EPHA6: variants seen among roughly 807,000 people sequenced by gnomAD.
EPHA6 encodes the protein EPH receptor A6, also known as ephrin type-A receptor 6.
Under a neutral mutation model 112.0 loss-of-function variants are expected in EPHA6, and 50 were observed. The ratio of observed to expected loss-of-function variants is 0.45; its 90% confidence interval spans 0.36 to 0.56. The LOEUF is 0.56. EPHA6 is among the 20% of genes least tolerant of loss of function. The probability of loss-of-function intolerance (pLI) is 0.00; values close to 1 mark genes in which losing one functional copy is unlikely to be tolerated. For missense variants in EPHA6, 1,280 were observed against 1,417.4 expected (o/e 0.90, Z 1.56); for synonymous variants, 529 against 490.7 (o/e 1.08, Z -1.03).
At chr3:97,423,400 C>T (rs1040691869) in intron 6 of EPHA6, among the ~76,000 whole-genome samples, 4 of 152,128 alleles carry the variant, frequency 2.6e-5, no homozygotes, top group Non-Finnish European at 4.4e-5. Flanking sequence ...ATTCCATTTA[C>T]AAATGCCACT....
rs368625563 is a variant in EPHA6, at chr3:97,000,262, AACAC to A, written c.1114+12297_1114+12300del. On this transcript the variant is annotated intron_variant, in intron 3 of 17. Transcript: ENST00000389672. The stretch of plus-strand genomic sequence containing the variant: ...TCCAATTACCATGTGTGTATGTATA[AACAC>A]ACACACACACACACACACACACACA... Among the ~76,000 whole-genome samples the A allele has an allele frequency of 8.1e-3, 1,140 of 140,538 alleles. 7 individuals are homozygous for A. Among genetic ancestry groups the A allele is most frequent in the East Asian group, 0.04 (189 of 4,776 alleles). 92.2% of individuals were successfully genotyped at this position (140,538 alleles called of 152,430 possible). A position where few individuals can be genotyped will look rare whatever the true frequency, so the allele number is the denominator to read the frequency against.
chr3:97,056,565 C>T (rs185648061), intron 3 of EPHA6, among the ~76,000 whole-genome samples: 16 of 152,236 alleles, frequency 1.1e-4, no homozygotes, highest in Non-Finnish European at 2.1e-4. Flanking sequence ...TACTGTATAA[C>T]GCCAGAAGTA....
chr3:97,531,021 C>G (rs968452519), intron 10 of EPHA6, among the ~76,000 whole-genome samples: 1 of 151,930 alleles, frequency 6.6e-6, no homozygotes, highest in African/African-American at 2.4e-5. Flanking sequence ...TGCTAATAGA[C>G]CAACTGAAGA....
chr3:97,043,036 A>G (rs562289595), intron 3 of EPHA6, among the ~76,000 whole-genome samples: 5 of 152,296 alleles, frequency 3.3e-5, no homozygotes, highest in Admixed American at 6.5e-5. Flanking sequence ...ACTGACTCAT[A>G]TAAGTAATTC....
At chr3:97,096,630 A>G (rs1254745006) in intron 3 of EPHA6, among the ~76,000 whole-genome samples, 1 of 151,912 alleles carries the variant, frequency 6.6e-6, no homozygotes, top group Non-Finnish European at 1.5e-5. Context: ...GGGAGAAAAA[A>G]GTCAGTATAT....
intron 3 of EPHA6, among the ~76,000 whole-genome samples, chr3:97,132,112 A>AT (rs1271680072): frequency 6.6e-6 from 1 of 152,134 alleles, no homozygotes. Flanking sequence ...TAGTTTGATA[A>AT]TAAAAACAAC....
chr3:97,388,725 G>A (rs146333360), intron 5 of EPHA6, among the ~76,000 whole-genome samples: 32 of 152,266 alleles, frequency 2.1e-4, no homozygotes, highest in African/African-American at 7.5e-4. Flanking sequence ...CTTTCAGGCA[G>A]ATAAAGGAAG....
At chr3:97,004,010 T>C (rs1469819159) in intron 3 of EPHA6, among the ~76,000 whole-genome samples, 1 of 152,158 alleles carries the variant, frequency 6.6e-6, no homozygotes, top group East Asian at 1.9e-4. Context: ...CCATGGTGTA[T>C]ATAGATACCA....
chr3:97,063,233 A>T (rs182568392), intron 3 of EPHA6, among the ~76,000 whole-genome samples: 1 of 152,336 alleles, frequency 6.6e-6, no homozygotes, highest in Admixed American at 6.5e-5. Context: ...TCTTTCTATT[A>T]TAAAGATGCA....
At chr3:97,178,162 C>T (rs9829823) in intron 3 of EPHA6, among the ~76,000 whole-genome samples, 36,188 of 151,948 alleles carry the variant, frequency 0.24, 11,186 homozygotes, top group African/African-American at 0.7. Context: ...TCATAACCCA[C>T]TATTGTAACC....
intron 2 of EPHA6, among the ~76,000 whole-genome samples, chr3:96,980,088 G>A (rs1173595166): frequency 6.6e-6 from 1 of 152,120 alleles, no homozygotes; most frequent in Non-Finnish European, 1.5e-5. Context: ...GGCTTTTGTG[G>A]CCATTGCTTT....
chr3:96,921,085 A>G (rs763756160), intron 2 of EPHA6, among the ~76,000 whole-genome samples: 2 of 152,010 alleles, frequency 1.3e-5, no homozygotes, highest in Non-Finnish European at 2.9e-5. Context: ...ATACTTTAAG[A>G]CTAAGGACTA....
intron 5 of EPHA6, among the ~76,000 whole-genome samples, chr3:97,273,400 C>T (rs1238054022): frequency 6.6e-6 from 1 of 152,100 alleles, no homozygotes; most frequent in Non-Finnish European, 1.5e-5. Context: ...AGGTGTATGA[C>T]TAGACAGAAG....
chr3:97,268,128 A>G (rs1488551815), intron 5 of EPHA6, among the ~76,000 whole-genome samples: 1 of 152,194 alleles, frequency 6.6e-6, no homozygotes, highest in African/African-American at 2.4e-5. Flanking sequence ...CTACACCTCC[A>G]GGCAGCATAT....
At chr3:96,979,011 G>C (rs2042644118) in intron 2 of EPHA6, among the ~76,000 whole-genome samples, 1 of 151,990 alleles carries the variant, frequency 6.6e-6, no homozygotes, top group South Asian at 2.1e-4. Context: ...AATGCTTTTT[G>C]TTAATATGAA....
rs1402243756 is a variant in EPHA6 at position 97,752,676 on chromosome 3, G to A, written c.*3975G>A. 2.0e-5 allele frequency among the ~76,000 whole-genome samples: 3 copies of A among 152,056 alleles called. No individual in the cohort carries two copies. The highest frequency in any genetic ancestry group is 7.2e-5 in the African/African-American group (3 of 41,430). On this transcript the variant is annotated 3_prime_UTR_variant, in exon 18 of 18. Coordinates refer to ENST00000389672, the MANE Select transcript of EPHA6 (RefSeq NM_001080448.3). ...AATTGAGAACATTTGTACTCACAGAGGATATGGGTTCTGGCTTTTCCTTAA... is the reference window on the plus strand; with the variant it reads ...AATTGAGAACATTTGTACTCACAGAAGATATGGGTTCTGGCTTTTCCTTAA...
chr3:96,846,756 T>C (rs1448158212), intron 1 of EPHA6, among the ~76,000 whole-genome samples: 3 of 151,990 alleles, frequency 2.0e-5, no homozygotes, highest in Non-Finnish European at 2.9e-5. Context: ...AAACCCATGG[T>C]TTCCTATGAA....
chr3:97,682,958 T>G (rs953975719), intron 14 of EPHA6, among the ~76,000 whole-genome samples: 3 of 152,178 alleles, frequency 2.0e-5, no homozygotes, highest in African/African-American at 7.2e-5. Context: ...GTAACCTGAC[T>G]ACAGCTTAAT....
intron 3 of EPHA6, among the ~76,000 whole-genome samples, chr3:97,172,574 A>G (rs2076730262): frequency 6.6e-6 from 1 of 152,016 alleles, no homozygotes; most frequent in South Asian, 2.1e-4. Context: ...CTAGTCATAC[A>G]GTTAGACACA....
Sources: gnomAD v4.1 joint callset for allele counts (sites outside exome capture counted in the v4.1 genomes callset) on GRCh38, gnomAD v4.1.1 for gene constraint, MANE v1.5 for transcripts, NCBI Gene and HGNC (gene_info 2026-07-23, HGNC 2026-07-21) for gene names.